Variants in ZSCAN25 observed in about 807,000 individuals in gnomAD.
ZSCAN25 encodes zinc finger and SCAN domain containing 25, also known as zinc finger and SCAN domain-containing protein 25.
Under a neutral mutation model 38.7 loss-of-function variants are expected in ZSCAN25, and 27 were observed. The ratio of observed to expected loss-of-function variants is 0.70; its 90% CI spans 0.51 to 0.96. ZSCAN25 has a LOEUF of 0.96. ZSCAN25 is among the 40% of genes least tolerant of loss of function. ZSCAN25 has a pLI of 0.00. For missense variants in ZSCAN25, 637 were observed against 705.9 expected (o/e 0.90, Z 1.11); for synonymous variants, 273 against 277.7 (o/e 0.98, Z 0.17).
chr7:99,653,887 G>A, the ZSCAN25 span, among the ~76,000 whole-genome samples: 1 of 152,314 alleles, frequency 6.6e-6, no homozygotes, highest in East Asian at 1.9e-4. This position sits in a 1 kb window ranked among gnomAD's most constrained non-coding sequence, Gnocchi z 4.2. Flanking sequence ...TTCCTAGCTT[G>A]GCTTCTTGGC....
At chr7:99,626,731 A>T (rs756292183) in intron 7 of ZSCAN25, among the ~76,000 whole-genome samples, 4 of 152,228 alleles carry the variant, frequency 2.6e-5, no homozygotes, top group Non-Finnish European at 5.9e-5. Flanking sequence ...AGTCAGGTAC[A>T]TGGTCTGGGA....
chr7:99,704,836 C>T, the ZSCAN25 span, among the ~76,000 whole-genome samples: 4 of 152,034 alleles, frequency 2.6e-5, no homozygotes, highest in Non-Finnish European at 5.9e-5. Context: ...GTGGCAGGCA[C>T]CTGTAATCCC....
the ZSCAN25 span, among the ~76,000 whole-genome samples, chr7:99,640,264 T>G: frequency 6.6e-6 from 1 of 152,336 alleles, no homozygotes; most frequent in South Asian, 2.1e-4. Context: ...GTTCAAGCAG[T>G]TCTCCTGTCT....
At chr7:99,712,320 ATTCTG>A in the ZSCAN25 span, among the ~76,000 whole-genome samples, 2 of 152,238 alleles carry the variant, frequency 1.3e-5, no homozygotes, top group African/African-American at 4.8e-5. Context: ...TAATAATTGT[ATTCTG>A]TTACCATGAA....
the ZSCAN25 span, among the ~76,000 whole-genome samples, chr7:99,686,586 A>G: frequency 1.3e-5 from 2 of 152,244 alleles, no homozygotes; most frequent in African/African-American, 4.8e-5. Flanking sequence ...GGGGCAGGGC[A>G]CAGATGAACA....
chr7:99,714,643 T>C, the ZSCAN25 span: 1 of 1,613,156 alleles, frequency 6.2e-7, no homozygotes, highest in Non-Finnish European at 8.5e-7. Context: ...CACAGTGATA[T>C]TTAATGCTTC....
rs1808050270 is a variant in ZSCAN25, at chr7:99,632,161, C to T, written c.*2141C>T. On this transcript the variant is annotated 3_prime_UTR_variant, in exon 8 of 8. Transcript: ENST00000394152. ...GGCCTTGCTGACTTTCCTATCTGGCCTCTTCCCTATCTCCTGTGGGGCCAA... is the reference window on the plus strand; with the variant it reads ...GGCCTTGCTGACTTTCCTATCTGGCTTCTTCCCTATCTCCTGTGGGGCCAA... 1 of 985,326 alleles carries T rather than the reference C, an allele frequency of 1.0e-6. No homozygotes were observed. Among genetic ancestry groups the T allele is most frequent in the Non-Finnish European group, 1.2e-6 (1 of 829,944 alleles). The allele number at this position is 985,326 out of a possible 1,614,324, so 61.0% of individuals were successfully genotyped here. A position where few individuals can be genotyped will look rare whatever the true frequency, so the allele number is the denominator to read the frequency against.
chr7:99,623,286 G>A (rs1431830724), intron 6 of ZSCAN25, among the ~76,000 whole-genome samples: 1 of 152,174 alleles, frequency 6.6e-6, no homozygotes, highest in Non-Finnish European at 1.5e-5. Context: ...CTCAGGGTTG[G>A]GGCTTTCAGA....
the ZSCAN25 span, among the ~76,000 whole-genome samples, chr7:99,658,488 G>A: frequency 1.3e-5 from 2 of 151,948 alleles, no homozygotes; most frequent in African/African-American, 2.4e-5. Flanking sequence ...TGGGTAACCC[G>A]ACCTTTCTCT....
the ZSCAN25 span, among the ~76,000 whole-genome samples, chr7:99,694,181 C>T: frequency 6.6e-6 from 1 of 152,202 alleles, no homozygotes; most frequent in Non-Finnish European, 1.5e-5. Context: ...CATGGGGAAA[C>T]TGAGGCTGAG....
At chr7:99,709,792 A>G in the ZSCAN25 span, among the ~76,000 whole-genome samples, 7 of 100,458 alleles carry the variant, frequency 7.0e-5, no homozygotes, top group Admixed American at 2.1e-4. Context: ...GTGTGTGTAT[A>G]TATATATATA....
At chr7:99,671,935 G>A in the ZSCAN25 span, 1 of 684,786 alleles carries the variant, frequency 1.5e-6, no homozygotes, top group Non-Finnish European at 2.7e-6. Flanking sequence ...ACACAAACAA[G>A]GGCATGTAAA....
the ZSCAN25 span, chr7:99,660,704 C>T: frequency 6.2e-7 from 1 of 1,602,094 alleles, no homozygotes; most frequent in Middle Eastern, 1.7e-4. Context: ...GGTCAACGTA[C>T]AACATCACAG....
Position 99,621,377 on chromosome 7 carries a change from C to A in ZSCAN25, c.392C>A (p.Pro131Gln). The A allele has an allele frequency of 7.1e-7, 1 of 1,409,176 alleles. No homozygotes were observed. The highest frequency in any genetic ancestry group is 9.4e-7 in the Non-Finnish European group (1 of 1,066,698). The allele number at this position is 1,409,176 out of a possible 1,614,324, so 87.3% of individuals were successfully genotyped here. A position where few individuals can be genotyped will look rare whatever the true frequency, so the allele number is the denominator to read the frequency against. The change falls in exon 5 of 8, where the codon CCA (proline) becomes CAA (glutamine). Residue 131 changes from proline to glutamine, a missense_variant. Coordinates refer to ENST00000394152, the MANE Select transcript of ZSCAN25 (RefSeq NM_145115.3). ...GGTGTTGGGAACTGTTCTTAGGTTCCATGCCACAGGCAGGGAGAGCAGGAG... is the reference window on the plus strand; with the variant it reads ...GGTGTTGGGAACTGTTCTTAGGTTCAATGCCACAGGCAGGGAGAGCAGGAG... ...TERALEAKAVPCHRQGEQEET... is the reference protein window; with the variant it reads ...TERALEAKAVQCHRQGEQEET...
chr7:99,653,250 A>G, the ZSCAN25 span, among the ~76,000 whole-genome samples: 1 of 152,200 alleles, frequency 6.6e-6, no homozygotes, highest in Non-Finnish European at 1.5e-5. This position sits in a 1 kb window ranked among gnomAD's most constrained non-coding sequence, Gnocchi z 4.2. Flanking sequence ...GAGGAGTTTG[A>G]GACCAGCTTG....
At chr7:99,676,127 CA>C in the ZSCAN25 span, 1 of 1,613,654 alleles carries the variant, frequency 6.2e-7, no homozygotes, top group Non-Finnish European at 8.5e-7. Context: ...GACGATAGGA[CA>C]AAACATTTCC....
the ZSCAN25 span, among the ~76,000 whole-genome samples, chr7:99,678,314 G>A: frequency 6.6e-6 from 1 of 152,146 alleles, no homozygotes; most frequent in Non-Finnish European, 1.5e-5. Flanking sequence ...TATCTCTTTG[G>A]AGTTCTACCC....
chr7:99,717,654 A>C, the ZSCAN25 span: 1 of 1,612,958 alleles, frequency 6.2e-7, no homozygotes, highest in Non-Finnish European at 8.5e-7. Context: ...AGTTCAAAGC[A>C]GAAAGATTTT....
At chr7:99,646,317 G>C in the ZSCAN25 span, among the ~76,000 whole-genome samples, 1 of 152,040 alleles carries the variant, frequency 6.6e-6, no homozygotes, top group African/African-American at 2.4e-5. Flanking sequence ...TTTCATTGTA[G>C]AGATCTTTCA....
Sources: gnomAD v4.1 joint callset for allele counts (sites outside exome capture counted in the v4.1 genomes callset) on GRCh38, gnomAD v4.1.1 for gene constraint, Gnocchi (gnomAD v3.1) non-coding constraint, MANE v1.5 for transcripts, NCBI Gene and HGNC (gene_info 2026-07-23, HGNC 2026-07-21) for gene names.